Variants in GABRP observed in about 807,000 individuals in gnomAD.
GABRP encodes gamma-aminobutyric acid receptor subunit pi.
GABRP carries 52 observed loss-of-function variants against 47.8 expected under a neutral mutation model. The ratio of observed to expected loss-of-function variants is 1.09; its 90% CI spans 0.87 to 1.37. The LOEUF (loss-of-function observed/expected upper bound fraction) is 1.37. Among genes scored for constraint, GABRP ranks in the 40% most tolerant of loss-of-function variants. GABRP has a pLI of 0.00. For synonymous variants in GABRP, 221 were observed against 205.8 expected, an observed-to-expected ratio of 1.07 and a Z score of -0.63; for missense variants, 525 against 542.8, an observed-to-expected ratio of 0.97 and a Z score of 0.33.
chr5:170,802,821 CCT>C (rs1179806436), intron 6 of GABRP, among the ~76,000 whole-genome samples: 1 of 128,432 alleles, frequency 7.8e-6, no homozygotes, highest in Admixed American at 7.5e-5. Flanking sequence ...CTCTGTTCAG[CCT>C]CTGTTTCACA....
intron 1 of GABRP, among the ~76,000 whole-genome samples, chr5:170,784,284 T>C (rs1765073212): frequency 1.3e-5 from 2 of 152,056 alleles, no homozygotes; most frequent in South Asian, 4.1e-4. Flanking sequence ...GGAAGGAAGC[T>C]GGAGGTGACA....
chr5:170,800,425 G>T (rs1462241154), intron 6 of GABRP, among the ~76,000 whole-genome samples: 2 of 152,062 alleles, frequency 1.3e-5, no homozygotes, highest in Admixed American at 1.3e-4. Flanking sequence ...TCAGAACATA[G>T]GCATGGGCAA....
intron 3 of GABRP, among the ~76,000 whole-genome samples, chr5:170,791,505 A>C (rs1765268188): frequency 6.6e-6 from 1 of 152,252 alleles, no homozygotes; most frequent in Non-Finnish European, 1.5e-5. Context: ...AACACTACCC[A>C]GGAGCTGGCT....
intron 5 of GABRP, 30 bp from the exon 6 acceptor site, chr5:170,797,436 A>T: frequency 7.2e-7 from 1 of 1,388,952 alleles, no homozygotes; most frequent in Non-Finnish European, 1.0e-6. Context: ...TCCTCACAAT[A>T]CTGTTTTTGA....
intron 6 of GABRP, among the ~76,000 whole-genome samples, chr5:170,799,044 C>T (rs1561811523): frequency 6.8e-6 from 1 of 147,816 alleles, no homozygotes; most frequent in Non-Finnish European, 1.5e-5. Context: ...GGTTTTTTGT[C>T]CTTGTGATAG....
intron 3 of GABRP, among the ~76,000 whole-genome samples, chr5:170,791,670 G>GTGGGAT (rs3079465): frequency 0.54 from 82,333 of 151,312 alleles, 23,847 homozygotes; most frequent in African/African-American, 0.71. Flanking sequence ...AGAAAGCACA[G>GTGGGAT]TGGAGCTCTC....
chr5:170,803,811 TG>T (rs1765657101), intron 6 of GABRP, among the ~76,000 whole-genome samples: 1 of 152,086 alleles, frequency 6.6e-6, no homozygotes, highest in Admixed American at 6.6e-5. Flanking sequence ...AGTTTTGCTC[TG>T]GTTGTCCAGG....
chr5:170,808,518 G>T, intron 7 of GABRP, 82 bp from the exon 8 acceptor site: 1 of 1,166,104 alleles, frequency 8.6e-7, no homozygotes, highest in Non-Finnish European at 1.2e-6. Flanking sequence ...AGGGCTTAAT[G>T]TACATATAGT....
At position 170,812,293 on chromosome 5, in the gene GABRP, C is replaced by T; in HGVS notation, c.*35C>T. On this transcript the variant is annotated 3_prime_UTR_variant, in exon 10 of 10. Transcript: ENST00000265294. ...AAATTTCTTGCATGCCATAGGTCTTCAACAGGACAAGATAATGATGTAAAT... is the reference window on the plus strand; with the variant it reads ...AAATTTCTTGCATGCCATAGGTCTTTAACAGGACAAGATAATGATGTAAAT... 6.6e-7 allele frequency: 1 copy of T among 1,524,570 alleles called. No homozygotes were observed. The highest frequency in any genetic ancestry group is 9.0e-7 in the Non-Finnish European group (1 of 1,107,680). 94.4% of individuals were successfully genotyped at this position (1,524,570 alleles called of 1,614,324 possible).
intron 3 of GABRP, among the ~76,000 whole-genome samples, chr5:170,793,010 C>T (rs1765318562): frequency 6.6e-6 from 1 of 152,064 alleles, no homozygotes; most frequent in South Asian, 2.1e-4. Flanking sequence ...AGGGAAATGC[C>T]ATTATTGAGC....
At chr5:170,809,833 T>G in intron 9 of GABRP, 78 bp downstream of exon 9, 1 of 1,378,350 alleles carries the variant, frequency 7.3e-7, no homozygotes, top group Non-Finnish European at 1.0e-6. Flanking sequence ...TGGACCTGGC[T>G]TCTATCCCCA....
intron 6 of GABRP, among the ~76,000 whole-genome samples, chr5:170,804,974 A>G (rs1765689524): frequency 1.0e-5 from 1 of 97,670 alleles, no homozygotes; most frequent in Non-Finnish European, 1.8e-5. Flanking sequence ...ACGTTTATAT[A>G]TTATATATTA....
intron 5 of GABRP, 98 bp downstream of exon 5, chr5:170,795,523 C>T (rs1765404013): frequency 2.2e-6 from 2 of 904,236 alleles, no homozygotes; most frequent in East Asian, 5.0e-5. Context: ...CAAATAGCCA[C>T]TGTGAGGTCC....
At chr5:170,786,151 A>T (rs2127247517) in intron 1 of GABRP, among the ~76,000 whole-genome samples, 1 of 152,282 alleles carries the variant, frequency 6.6e-6, no homozygotes, top group African/African-American at 2.4e-5. Context: ...GGAGAAGCTC[A>T]ATAAACCTGT....
Position 170,812,263 on chromosome 5 carries a change from A to G in GABRP, c.*5A>G, listed in dbSNP as rs1284961787. 1.9e-6 allele frequency: 3 copies of G among 1,606,456 alleles called. No homozygotes were observed. The African/African-American group carries it at 4.0e-5, about 22-fold the overall frequency. ...GCATACTACATGTATTTTTGAGTCA[A>G]TGTTAAATTTCTTGCATGCCATAGG... On this transcript the variant is annotated 3_prime_UTR_variant, in exon 10 of 10. Transcript: ENST00000265294.
At chr5:170,794,468 G>C (rs1246376946) in intron 4 of GABRP, 170 bp downstream of exon 4, 4 of 430,652 alleles carry the variant, frequency 9.3e-6, no homozygotes, top group African/African-American at 2.0e-5. Context: ...AAGACAGTGG[G>C]AGATTCTTGT....
At chr5:170,797,265 A>C (rs1247311652) in intron 5 of GABRP, among the ~76,000 whole-genome samples, 1 of 152,090 alleles carries the variant, frequency 6.6e-6, no homozygotes, top group Admixed American at 6.5e-5. Flanking sequence ...AACTTCCTCC[A>C]CTCTGGACCC....
At chr5:170,784,428 C>T (rs1274151659) in intron 1 of GABRP, among the ~76,000 whole-genome samples, 1 of 152,056 alleles carries the variant, frequency 6.6e-6, no homozygotes, top group Non-Finnish European at 1.5e-5. Flanking sequence ...ACATAGAGGC[C>T]AAGAGCACGG....
intron 6 of GABRP, among the ~76,000 whole-genome samples, chr5:170,799,768 A>G (rs1417677122): frequency 3.3e-5 from 5 of 152,200 alleles, no homozygotes; most frequent in African/African-American, 1.2e-4. Context: ...TTTGCTGTGC[A>G]GAAGCTCTTT....
Sources: gnomAD v4.1 joint callset for allele counts (sites outside exome capture counted in the v4.1 genomes callset) on GRCh38, gnomAD v4.1.1 for gene constraint, MANE v1.5 for transcripts, NCBI Gene and HGNC (gene_info 2026-07-23, HGNC 2026-07-21) for gene names.